ATG2B: variants seen among roughly 807,000 people sequenced by gnomAD.
ATG2B encodes the protein autophagy-related protein 2 homolog B.
A neutral mutation model predicts 241.3 loss-of-function variants in ATG2B; 121 were observed. The ratio of observed to expected loss-of-function variants is 0.50; its 90% CI spans 0.43 to 0.58. The LOEUF (loss-of-function observed/expected upper bound fraction) is 0.58, where lower values mean the gene tolerates loss of function less well. ATG2B is among the 20% of genes least tolerant of loss of function. The pLI is 0.00. For missense variants in ATG2B, 2,306 were observed against 2,491.6 expected (o/e 0.93, Z 1.59); for synonymous variants, 858 against 876.6 (o/e 0.98, Z 0.37).
rs1270882536 is a variant in ATG2B at position 96,291,695 on chromosome 14, A to G, written c.5497-13T>C. The stretch of plus-strand genomic sequence containing the variant: ...CAGCTAGCGTACCCTTCAAAATTAA[A>G]AAAGGCCAAATTAACCTTACTGTAA... On this transcript the variant is annotated splice_polypyrimidine_tract_variant and intron_variant, in intron 37 of 41. Transcript: ENST00000359933. 1.9e-6 allele frequency: 3 copies of G among 1,589,562 alleles called. No individual in the cohort carries two copies. Among genetic ancestry groups the G allele is most frequent in the Admixed American group, 3.4e-5 (2 of 58,966 alleles).
At position 96,304,620 on chromosome 14, in the gene ATG2B, A is replaced by G; in HGVS notation, c.4734-17T>C. 1 of 1,542,484 alleles carries G rather than the reference A, an allele frequency of 6.5e-7. No homozygotes were observed. Among genetic ancestry groups the G allele is most frequent in the Non-Finnish European group, 8.8e-7 (1 of 1,133,684 alleles). On this transcript the variant is annotated splice_polypyrimidine_tract_variant and intron_variant, in intron 31 of 41. Transcript: ENST00000359933. ...TGGGGACTACTAAAAATGAGCAAAA[A>G]AAAAAAAAACCCTTTTGTTAAAGGA...
intron 35 of ATG2B, 43 bp from the exon 36 acceptor site, chr14:96,295,210 T>C (rs1454366168): frequency 6.8e-7 from 1 of 1,479,584 alleles, no homozygotes; most frequent in Non-Finnish European, 9.4e-7. Context: ...GATATGCTTC[T>C]TCTTAGCAAA....
In ATG2B at chr14:96,311,717, G is replaced by A. The variant is rs144076837; in HGVS notation, c.3914-99C>T. On this transcript the variant is annotated intron_variant, in intron 26 of 41. Transcript: ENST00000359933. ...AACTAGCATTCCTTTAAAATTCATTGCAGAGAGCACTACAAATAATTATAA... is the reference window on the plus strand; with the variant it reads ...AACTAGCATTCCTTTAAAATTCATTACAGAGAGCACTACAAATAATTATAA... 7.6e-4 allele frequency: 557 copies of A among 730,436 alleles called. 6 individuals carry two copies. The South Asian group carries it at 7.7e-3, about 10-fold the overall frequency. The allele number at this position is 730,436 out of a possible 1,614,324, so 45.2% of individuals were successfully genotyped here. A position where few individuals can be genotyped will look rare whatever the true frequency, so the allele number is the denominator to read the frequency against.
intron 36 of ATG2B, among the ~76,000 whole-genome samples, chr14:96,294,134 G>A (rs1293465588): frequency 3.9e-5 from 6 of 152,236 alleles, no homozygotes; most frequent in African/African-American, 1.4e-4. Context: ...TTTAAAACGT[G>A]ACAACCCTTC....
rs1851395613 is a variant in ATG2B, at chr14:96,283,997, A to T, written c.*1758T>A. ...TCTATACTGTAGTTAATTGAACTTA[A>T]GTACAACTGTGGAAAGTATATTTAA... is the stretch of plus-strand genomic sequence containing the variant. On this transcript the variant is annotated 3_prime_UTR_variant, in exon 42 of 42. Coordinates refer to ENST00000359933, the MANE Select transcript of ATG2B (RefSeq NM_018036.7). 6.6e-6 allele frequency: 1 copy of T among 152,266 alleles called. No individual in the cohort carries two copies. Among genetic ancestry groups the T allele is most frequent in the Non-Finnish European group, 1.5e-5 (1 of 68,052 alleles). The allele number at this position is 152,266 out of a possible 1,614,324, so 9.4% of individuals were successfully genotyped here.
chr14:96,350,554 AAG>A (rs1175576553), intron 1 of ATG2B, among the ~76,000 whole-genome samples: 1 of 152,250 alleles, frequency 6.6e-6, no homozygotes, highest in East Asian at 1.9e-4. Context: ...GACAGACAGA[AAG>A]AACGTAAATG....
intron 18 of ATG2B, among the ~76,000 whole-genome samples, chr14:96,321,400 G>A (rs1887452684): frequency 6.6e-6 from 1 of 152,152 alleles, no homozygotes; most frequent in African/African-American, 2.4e-5. Flanking sequence ...CCTTCAGTGG[G>A]TAGGAATTAT....
Position 96,285,705 on chromosome 14 carries a change from T to G in ATG2B, c.*50A>C, listed in dbSNP as rs1369817147. 2 of 1,559,102 alleles carry G rather than the reference T, an allele frequency of 1.3e-6. No homozygotes were observed. Among genetic ancestry groups the G allele is most frequent in the Non-Finnish European group, 1.8e-6 (2 of 1,133,674 alleles). ...TCCTCTGAAGCTGCTGTCAGGACTCTGAGCTCCTGGTTCCACTCTCCTTAT... is the reference window on the plus strand; with the variant it reads ...TCCTCTGAAGCTGCTGTCAGGACTCGGAGCTCCTGGTTCCACTCTCCTTAT... On this transcript the variant is annotated 3_prime_UTR_variant, in exon 42 of 42. Transcript: ENST00000359933. The surrounding 1 kb of genome is among the most constrained non-coding windows in gnomAD (Gnocchi z 4.2).
At chr14:96,326,268 G>A (rs191116052) in intron 14 of ATG2B, among the ~76,000 whole-genome samples, 62 of 152,100 alleles carry the variant, frequency 4.1e-4, no homozygotes, top group African/African-American at 8.7e-4. Context: ...AATTCAATAC[G>A]GTTAAAAATC....
At chr14:96,302,491 G>A (rs574484959) in intron 33 of ATG2B, among the ~76,000 whole-genome samples, 1 of 152,176 alleles carries the variant, frequency 6.6e-6, no homozygotes, top group Non-Finnish European at 1.5e-5. Context: ...GGTTGAATGG[G>A]AGGCTAGTTT....
In ATG2B at chr14:96,317,254, C is replaced by G. The variant is rs753600576; in HGVS notation, c.3101G>C (p.Arg1034Pro). 6.2e-7 allele frequency: 1 copy of G among 1,613,686 alleles called. No individual in the cohort carries two copies. The highest frequency in any genetic ancestry group is 1.1e-5 in the South Asian group (1 of 91,052). The change falls in exon 20 of 42, where the codon CGT becomes CCT. Residue 1034 changes from arginine (R) to proline (P), a missense_variant. Coordinates refer to ENST00000359933, the MANE Select transcript of ATG2B (RefSeq NM_018036.7). ...GTCTAATTTTTTTTTCCTGCGAGAA[C>G]GATAGTTGGGATCAACAGTGGAAAA... is the stretch of plus-strand genomic sequence containing the variant. Reference protein sequence around the residue: ...QYFSTVDPNYRSRRKKKLDSQ... With the variant: ...QYFSTVDPNYPSRRKKKLDSQ...
rs4900319 is a variant in ATG2B at position 96,280,642 on chromosome 14, T to C, written c.*5113A>G. ...GTGGCTCATGCCTGTAATCCCAGCA[T>C]TTTTGGAGGCTGAGGTCAAGAGTTC... On this transcript the variant is annotated 3_prime_UTR_variant, in exon 42 of 42. Coordinates refer to ENST00000359933, the MANE Select transcript of ATG2B (RefSeq NM_018036.7). 125,381 of 152,220 alleles carry C rather than the reference T, an allele frequency of 0.82. 52,109 individuals are homozygous for C. Among genetic ancestry groups the C allele is most frequent in the African/African-American group, 0.94 (39,007 of 41,552 alleles). The allele number at this position is 152,220 out of a possible 1,614,324, so 9.4% of individuals were successfully genotyped here.
At chr14:96,314,850 TCCA>T (rs1887263055) in intron 23 of ATG2B, among the ~76,000 whole-genome samples, 1 of 152,108 alleles carries the variant, frequency 6.6e-6, no homozygotes, top group Non-Finnish European at 1.5e-5. Flanking sequence ...ACAGGTGCAT[TCCA>T]CCACGCCCAG....
intron 1 of ATG2B, among the ~76,000 whole-genome samples, chr14:96,352,783 CTTA>C (rs1279022172): frequency 1.3e-5 from 2 of 150,770 alleles, no homozygotes; most frequent in Admixed American, 6.6e-5. Context: ...CTCAGGTTAA[CTTA>C]TTATTGAAAA....
Position 96,292,111 on chromosome 14 carries a change from G to T in ATG2B, c.5427-13C>A, listed in dbSNP as rs1411851853. The T allele has an allele frequency of 9.7e-6, 15 of 1,549,448 alleles. No individual in the cohort carries two copies. The Admixed American group carries it at 1.6e-4, about 17-fold the overall frequency. On this transcript the variant is annotated splice_polypyrimidine_tract_variant and intron_variant, in intron 36 of 41. Coordinates refer to ENST00000359933, the MANE Select transcript of ATG2B (RefSeq NM_018036.7). ...GAATCTAAATTCTCTGAAGATAAAG[G>T]AAGGAGGGAGTTATTTACATTTACA... is the stretch of plus-strand genomic sequence containing the variant.
chr14:96,312,768 TA>T (rs1887196003), intron 25 of ATG2B, among the ~76,000 whole-genome samples: 1 of 151,942 alleles, frequency 6.6e-6, no homozygotes, highest in Non-Finnish European at 1.5e-5. Context: ...ATAAAAAAAT[TA>T]AATAAAAAGT....
chr14:96,290,343 T>C lies in ATG2B; in HGVS notation c.5856+93A>G, dbSNP rs1886450601. ...AATAAAGTATCTACTCACAACATTT[T>C]GTATATCTTCACAGTATCGTTTTAA... On this transcript the variant is annotated intron_variant, in intron 40 of 41. Transcript: ENST00000359933. The surrounding 1 kb of genome is among the most constrained non-coding windows in gnomAD (Gnocchi z 4.4). The C allele has an allele frequency of 6.9e-7, 1 of 1,458,802 alleles. No individual in the cohort carries two copies. Among genetic ancestry groups the C allele is most frequent in the East Asian group, 2.3e-5 (1 of 43,700 alleles). The allele number at this position is 1,458,802 out of a possible 1,614,324, so 90.4% of individuals were successfully genotyped here.
In ATG2B at chr14:96,290,768, TC is replaced by T; in HGVS notation, c.5701+45del. 6.3e-7 allele frequency: 1 copy of T among 1,584,666 alleles called. No individual in the cohort carries two copies. The highest frequency in any genetic ancestry group is 8.6e-7 in the Non-Finnish European group (1 of 1,166,724). Reference sequence around the variant, plus strand: ...TTCTCAAAGGGATAAGAATTACTCATCTGAAAAAATAACTTATCTTTTGATT... The same window carrying T: ...TTCTCAAAGGGATAAGAATTACTCATTGAAAAAATAACTTATCTTTTGATT... On this transcript the variant is annotated intron_variant, in intron 39 of 41. Coordinates refer to ENST00000359933, the MANE Select transcript of ATG2B (RefSeq NM_018036.7). This position sits in a 1 kb window ranked among gnomAD's most constrained non-coding sequence, Gnocchi z 4.4.
chr14:96,316,683 G>C lies in ATG2B; in HGVS notation c.3211C>G (p.Gln1071Glu), dbSNP rs375103897. The C allele has an allele frequency of 7.5e-5, 120 of 1,601,482 alleles. No individual in the cohort carries two copies. Among genetic ancestry groups the C allele is most frequent in the Admixed American group, 6.9e-4 (39 of 56,646 alleles). Reference protein sequence around the residue: ...GLIAVFTDVKQDNGDLLENKH... With the variant: ...GLIAVFTDVKEDNGDLLENKH... Reference sequence around the variant, plus strand: ...TTTTCCAACAGATCTCCATTATCTTGCTAGTAAAAAGATCAGAAAAACACA... The same window carrying C: ...TTTTCCAACAGATCTCCATTATCTTCCTAGTAAAAAGATCAGAAAAACACA... The change falls in exon 21 of 42, where the codon CAA (glutamine) becomes GAA (glutamate). Residue 1071 changes from glutamine (Q) to glutamate (E), a missense_variant and splice_region_variant. Physicochemically the swap from Gln to Glu is conservative, Grantham distance 29 (BLOSUM62 2). This residue lies in a region of ATG2B where 1,927 missense variants were observed against 2,011.2 expected (regional missense o/e 0.96). Transcript: ENST00000359933.
Sources: gnomAD v4.1 joint callset for allele counts (sites outside exome capture counted in the v4.1 genomes callset) on GRCh38, gnomAD v4.1.1 for gene constraint, gnomAD v4.1.1 regional missense constraint, Gnocchi (gnomAD v3.1) non-coding constraint, MANE v1.5 for transcripts, NCBI Gene and HGNC (gene_info 2026-07-23, HGNC 2026-07-21) for gene names.